Variants in NIBAN3 observed in about 807,000 individuals in gnomAD.
The protein encoded by NIBAN3 is niban apoptosis regulator 3, also known as protein Niban 3.
In NIBAN3, 66 loss-of-function variants were observed where a neutral mutation model predicts 76.4. The ratio of observed to expected loss-of-function variants is 0.86; its 90% CI spans 0.71 to 1.06. NIBAN3 has a LOEUF of 1.06. NIBAN3 is among the 50% of genes least tolerant of loss of function. The pLI, the probability that NIBAN3 is intolerant of heterozygous loss-of-function variation, is 0.00. For synonymous variants in NIBAN3, 360 were observed against 355.2 expected, an observed-to-expected ratio of 1.01 and a Z score of -0.15; for missense variants, 808 against 810.7, an observed-to-expected ratio of 1.00 and a Z score of 0.04.
At chr19:17,549,573 G>A (rs751234430) in intron 14 of NIBAN3, 46 bp downstream of exon 14, 1 of 1,468,436 alleles carries the variant, frequency 6.8e-7, no homozygotes, top group Non-Finnish European at 9.6e-7. Context: ...GATTGCTGGG[G>A]GTGGGGAGGT....
At chr19:17,536,730 T>A (rs2075831147) in intron 4 of NIBAN3, among the ~76,000 whole-genome samples, 1 of 152,176 alleles carries the variant, frequency 6.6e-6, no homozygotes, top group Non-Finnish European at 1.5e-5. Flanking sequence ...CAAAGCTGAA[T>A]TCACTTATTT....
intron 2 of NIBAN3, among the ~76,000 whole-genome samples, chr19:17,531,372 C>CACAA (rs2075721292): frequency 7.2e-6 from 1 of 138,112 alleles, no homozygotes; most frequent in Non-Finnish European, 1.6e-5. Flanking sequence ...CACACACACA[C>CACAA]AACCATTCAC....
At chr19:17,546,939 C>T in intron 13 of NIBAN3, 142 bp downstream of exon 13, 1 of 1,088,836 alleles carries the variant, frequency 9.2e-7, no homozygotes. Flanking sequence ...TGAGGAGGTC[C>T]AGGGTAGAGG....
At position 17,542,200 on chromosome 19, in the gene NIBAN3, A is replaced by G; in HGVS notation, c.1235A>G (p.Glu412Gly). The G allele has an allele frequency of 6.2e-7, 1 of 1,614,088 alleles. No individual in the cohort carries two copies. Among genetic ancestry groups the G allele is most frequent in the Non-Finnish European group, 8.5e-7 (1 of 1,180,026 alleles). ...ATGCAGACATGCTACCGTGAGGCCG[A>G]GCGGAGCCGGGGGCGCTTGGGGCAG... ...ALMQTCYREA[E>G]RSRGRLGQLA... The change falls in exon 10 of 15, where the codon GAG (glutamate) becomes GGG (glycine). Residue 412 changes from glutamate (E) to glycine (G), a missense_variant. Physicochemically the swap from Glu to Gly is moderately conservative, Grantham distance 98. Coordinates refer to ENST00000599164, the MANE Select transcript of NIBAN3 (RefSeq NM_001321827.2). The surrounding 1 kb of genome is among the most constrained non-coding windows in gnomAD (Gnocchi z 4.8).
chr19:17,552,083 T>A lies in NIBAN3; in HGVS notation c.*185T>A, dbSNP rs2144797313. 1 of 378,616 alleles carries A rather than the reference T, an allele frequency of 2.6e-6. No individual in the cohort carries two copies. Among genetic ancestry groups the A allele is most frequent in the Non-Finnish European group, 4.7e-6 (1 of 211,844 alleles). 23.5% of individuals were successfully genotyped at this position (378,616 alleles called of 1,614,324 possible). On this transcript the variant is annotated 3_prime_UTR_variant, in exon 15 of 15. Transcript: ENST00000599164. ...CCCCAAGGCTTTCTTTATTTTAATT[T>A]TTTTTTTTTTTTTGAGACTGAGTCT...
At chr19:17,553,740 G>GA, downstream of NIBAN3, 1 of 634,838 alleles carries the variant, frequency 1.6e-6, no homozygotes, top group Non-Finnish European at 2.8e-6. Flanking sequence ...CCCCTTTTGA[G>GA]AAAAACATTG....
At chr19:17,554,007 ATT>A (rs2076193900), downstream of NIBAN3, among the ~76,000 whole-genome samples, 1 of 150,992 alleles carries the variant, frequency 6.6e-6, no homozygotes. Context: ...AGTAGCTGGG[ATT>A]ACAGGCGAAG....
At chr19:17,539,896 G>C in intron 8 of NIBAN3, 131 bp downstream of exon 8, 1 of 471,646 alleles carries the variant, frequency 2.1e-6, no homozygotes, top group Non-Finnish European at 3.6e-6. Flanking sequence ...GCGGGGCCAA[G>C]CATAGGATGT....
chr19:17,545,161 ATTTAT>A (rs71162150), intron 12 of NIBAN3: 62,476 of 132,916 alleles, frequency 0.47, 15,212 homozygotes, highest in Middle Eastern at 0.56. Context: ...AGACTATTTT[ATTTAT>A]TTTATTTTAT....
intron 14 of NIBAN3, among the ~76,000 whole-genome samples, chr19:17,550,604 G>A (rs527270956): frequency 3.7e-4 from 57 of 152,206 alleles, no homozygotes; most frequent in Non-Finnish European, 7.4e-4. Context: ...GAGATGGGGT[G>A]GCATTGAACT....
Position 17,539,585 on chromosome 19 carries a change from C to G in NIBAN3, c.817-18C>G. 2.0e-6 allele frequency: 3 copies of G among 1,524,150 alleles called. No homozygotes were observed. Among genetic ancestry groups the G allele is most frequent in the Non-Finnish European group, 2.7e-6 (3 of 1,128,992 alleles). 94.4% of individuals were successfully genotyped at this position (1,524,150 alleles called of 1,614,324 possible). ...GCCCCGTGTCTCGGCTTTGTCCCCCCTCGACCGGTCTGGGCAGCTTCTAGA... is the reference window on the plus strand; with the variant it reads ...GCCCCGTGTCTCGGCTTTGTCCCCCGTCGACCGGTCTGGGCAGCTTCTAGA... On this transcript the variant is annotated intron_variant, in intron 7 of 14. Transcript: ENST00000599164.
Position 17,529,190 on chromosome 19 carries a change from C to T in NIBAN3, c.56-1565C>T, listed in dbSNP as rs78073137. On this transcript the variant is annotated intron_variant, in intron 1 of 14. Transcript: ENST00000599164. Reference sequence around the variant, plus strand: ...ATATGTAAAATGGGGATAGCAACAACGCCTAGCTCATGGGGCTGGGGGGGC... The same window carrying T: ...ATATGTAAAATGGGGATAGCAACAATGCCTAGCTCATGGGGCTGGGGGGGC... Among the ~76,000 whole-genome samples the T allele has an allele frequency of 9.0e-3, 1,374 of 152,300 alleles. 18 individuals carry two copies. Among genetic ancestry groups the T allele is most frequent in the African/African-American group, 0.031 (1,300 of 41,568 alleles).
intron 12 of NIBAN3, among the ~76,000 whole-genome samples, chr19:17,544,529 A>G (rs916710963): frequency 2.0e-5 from 3 of 152,216 alleles, no homozygotes; most frequent in Non-Finnish European, 4.4e-5. Flanking sequence ...GGAGTCAGGA[A>G]GGATGTCCCT....
At position 17,527,542 on chromosome 19, in the gene NIBAN3, C is replaced by T. The variant is rs561151158; in HGVS notation, c.55+147C>T. ...GGATGCCTTCTTAATGTAAATTTCA[C>T]GCAGTGAATCTTTTTTTATTGTTGA... On this transcript the variant is annotated intron_variant, in intron 1 of 14. Coordinates refer to ENST00000599164, the MANE Select transcript of NIBAN3 (RefSeq NM_001321827.2). 1.7e-5 allele frequency: 15 copies of T among 873,736 alleles called. No homozygotes were observed. In the East Asian group the frequency reaches 2.4e-4, roughly 14 times the overall value. 54.1% of individuals were successfully genotyped at this position (873,736 alleles called of 1,614,324 possible). A position where few individuals can be genotyped will look rare whatever the true frequency, so the allele number is the denominator to read the frequency against.
At chr19:17,539,524 C>T (rs951037642) in intron 7 of NIBAN3, 73 bp downstream of exon 7, 1 of 1,464,128 alleles carries the variant, frequency 6.8e-7, no homozygotes, top group African/African-American at 1.4e-5. Flanking sequence ...CGACTGTCGC[C>T]TAAACCCTCT....
At chr19:17,534,727 C>A (rs1278119749) in intron 4 of NIBAN3, among the ~76,000 whole-genome samples, 1 of 147,758 alleles carries the variant, frequency 6.8e-6, no homozygotes, top group Non-Finnish European at 1.5e-5. Context: ...GGAGGCAGAG[C>A]TTGCAGTGAG....
rs138987050 is a variant in NIBAN3 at position 17,543,424 on chromosome 19, C to G, written c.1437C>G (p.Arg479=). The part of the protein sequence containing the change: ...AAQRLERVRG[R]VLKKFKSDSG... Reference sequence around the variant, plus strand: ...AGAGGCTGGAGAGAGTCAGGGGGCGCGTGCTGAAGGTGTGTTCTGTGGGTA... The same window carrying G: ...AGAGGCTGGAGAGAGTCAGGGGGCGGGTGCTGAAGGTGTGTTCTGTGGGTA... Residue 479 remains arginine, a synonymous_variant, in exon 11 of 15, where the codon CGC becomes CGG. Coordinates refer to ENST00000599164, the MANE Select transcript of NIBAN3 (RefSeq NM_001321827.2). 1 of 1,613,266 alleles carries G rather than the reference C, an allele frequency of 6.2e-7. No homozygotes were observed. The highest frequency in any genetic ancestry group is 1.7e-5 in the Admixed American group (1 of 59,978).
chr19:17,542,273 G>A lies in NIBAN3; in HGVS notation c.1308G>A (p.Gly436=), dbSNP rs2075968836. 6.2e-7 allele frequency: 1 copy of A among 1,611,862 alleles called. No individual in the cohort carries two copies. The highest frequency in any genetic ancestry group is 1.3e-5 in the African/African-American group (1 of 74,924). ...GFLGMQSLVF[G]AQDLAQQLMA... Reference sequence around the variant, plus strand: ...TGGGGATGCAGAGCCTCGTGTTTGGGGCCCAAGATCTTGCACAGCAGGTGA... The same window carrying A: ...TGGGGATGCAGAGCCTCGTGTTTGGAGCCCAAGATCTTGCACAGCAGGTGA... The change falls in exon 10 of 15, where the codon GGG becomes GGA. Residue 436 remains glycine (G), a synonymous_variant. Transcript: ENST00000599164. The surrounding 1 kb of genome is among the most constrained non-coding windows in gnomAD (Gnocchi z 4.8).
rs531461957 is a variant in NIBAN3, at chr19:17,532,985, A to G, written c.312+597A>G. Among the ~76,000 whole-genome samples, 166 of 151,938 alleles carry G rather than the reference A, an allele frequency of 1.1e-3. 1 individual carries two copies. The highest frequency in any genetic ancestry group is 3.7e-3 in the African/African-American group (154 of 41,428). On this transcript the variant is annotated intron_variant, in intron 3 of 14. Transcript: ENST00000599164. ...GGGAGAGAGGAGGAAAAAAAAAGGGAGGGAGAGCCGGGCCTCGTGGCTCAC... is the reference window on the plus strand; with the variant it reads ...GGGAGAGAGGAGGAAAAAAAAAGGGGGGGAGAGCCGGGCCTCGTGGCTCAC...
Sources: gnomAD v4.1 joint callset for allele counts (sites outside exome capture counted in the v4.1 genomes callset) on GRCh38, gnomAD v4.1.1 for gene constraint, Gnocchi (gnomAD v3.1) non-coding constraint, MANE v1.5 for transcripts, NCBI Gene and HGNC (gene_info 2026-07-23, HGNC 2026-07-21) for gene names.